The following SLC16A7 variants were observed in gnomAD, a reference collection of about 807,000 sequenced individuals.
SLC16A7 encodes solute carrier family 16 member 7.
A neutral mutation model predicts 34.9 loss-of-function variants in SLC16A7; 33 were observed. The ratio of observed to expected loss-of-function variants is 0.94; its 90% CI spans 0.72 to 1.26. SLC16A7 has a LOEUF of 1.26. SLC16A7 is among the 50% of genes most tolerant of loss of function. The probability of loss-of-function intolerance (pLI) is 0.00; values close to 1 mark genes in which losing one functional copy is unlikely to be tolerated. For missense variants in SLC16A7, 573 were observed against 578.1 expected, an observed-to-expected ratio of 0.99 and a Z score of 0.09; for synonymous variants, 201 against 206.6, an observed-to-expected ratio of 0.97 and a Z score of 0.23.
intron 2 of SLC16A7, among the ~76,000 whole-genome samples, chr12:59,670,256 A>G (rs762169282): frequency 3.1e-4 from 47 of 152,276 alleles, no homozygotes; most frequent in Non-Finnish European, 4.9e-4. Flanking sequence ...TACAGGATAA[A>G]AGCTCACCCT....
At chr12:59,679,521 A>G (rs867965177) in intron 2 of SLC16A7, among the ~76,000 whole-genome samples, 2 of 152,198 alleles carry the variant, frequency 1.3e-5, no homozygotes, top group South Asian at 2.1e-4. Context: ...TCTTCTTGTT[A>G]TAATTTCTTG....
intron 3 of SLC16A7, among the ~76,000 whole-genome samples, chr12:59,724,780 GT>G (rs890489323): frequency 3.3e-5 from 5 of 151,800 alleles, no homozygotes; most frequent in African/African-American, 1.2e-4. Context: ...GAAATGGAGG[GT>G]TTTTATGTAT....
At chr12:59,741,795 TG>T (rs961214935) in intron 3 of SLC16A7, among the ~76,000 whole-genome samples, 5 of 152,174 alleles carry the variant, frequency 3.3e-5, no homozygotes, top group Non-Finnish European at 7.3e-5. Context: ...ATGTTCACTT[TG>T]TTGCCTGCCA....
At chr12:59,641,651 G>A (rs1192446043) in intron 1 of SLC16A7, among the ~76,000 whole-genome samples, 1 of 151,910 alleles carries the variant, frequency 6.6e-6, no homozygotes. Context: ...ATTGAAGGGA[G>A]CCATTTTACA....
At chr12:59,612,681 A>G (rs1364675595) in intron 1 of SLC16A7, among the ~76,000 whole-genome samples, 3 of 152,002 alleles carry the variant, frequency 2.0e-5, no homozygotes, top group Non-Finnish European at 4.4e-5. Context: ...CTGCTTAGAC[A>G]TTTCTTCCAC....
intron 3 of SLC16A7, among the ~76,000 whole-genome samples, chr12:59,717,532 A>G (rs1875062159): frequency 6.6e-6 from 1 of 152,162 alleles, no homozygotes; most frequent in South Asian, 2.1e-4. Context: ...AATATTACTT[A>G]ATGGTATTCC....
At chr12:59,761,841 T>G (rs547001130) in intron 3 of SLC16A7, among the ~76,000 whole-genome samples, 1 of 152,230 alleles carries the variant, frequency 6.6e-6, no homozygotes, top group South Asian at 2.1e-4. Flanking sequence ...TTCAAGGCTT[T>G]AAACAGAAAT....
intron 1 of SLC16A7, among the ~76,000 whole-genome samples, chr12:59,611,325 G>C (rs891705597): frequency 3.3e-5 from 5 of 152,158 alleles, no homozygotes; most frequent in Non-Finnish European, 7.4e-5. Context: ...TGAGTGCTCA[G>C]CGAAGGGGGA....
At chr12:59,718,757 A>T (rs1875215137) in intron 3 of SLC16A7, among the ~76,000 whole-genome samples, 1 of 152,174 alleles carries the variant, frequency 6.6e-6, no homozygotes, top group Admixed American at 6.6e-5. Context: ...ACTAGGGAAA[A>T]TGGATAAGAA....
intron 3 of SLC16A7, among the ~76,000 whole-genome samples, chr12:59,714,767 A>G (rs1874696916): frequency 1.3e-5 from 2 of 151,896 alleles, no homozygotes; most frequent in African/African-American, 4.8e-5. Flanking sequence ...GTTTCGCCAC[A>G]TTGGCAAGAC....
chr12:59,642,816 A>G (rs1314438534), intron 1 of SLC16A7, among the ~76,000 whole-genome samples: 1 of 152,114 alleles, frequency 6.6e-6, no homozygotes, highest in Non-Finnish European at 1.5e-5. Context: ...GATAGATTCC[A>G]TAATTGTTGT....
chr12:59,706,401 T>G (rs1304502335), intron 3 of SLC16A7, among the ~76,000 whole-genome samples: 1 of 152,114 alleles, frequency 6.6e-6, no homozygotes. Flanking sequence ...TGTGTTGGTG[T>G]TGGAATGTGT....
chr12:59,648,367 T>G (rs1868284206), intron 1 of SLC16A7, among the ~76,000 whole-genome samples: 1 of 152,196 alleles, frequency 6.6e-6, no homozygotes, highest in Non-Finnish European at 1.5e-5. Context: ...CATGAGGGAC[T>G]TGAGATTGTT....
rs1169909347 is a variant in SLC16A7, at chr12:59,787,055, T to C, written c.*7376T>C. The C allele has an allele frequency of 6.6e-6, 1 of 152,144 alleles. No homozygotes were observed. The allele number at this position is 152,144 out of a possible 1,614,324, so 9.4% of individuals were successfully genotyped here. On this transcript the variant is annotated 3_prime_UTR_variant, in exon 6 of 6. Coordinates refer to ENST00000547379, the MANE Select transcript of SLC16A7 (RefSeq NM_001270623.2). ...GATTAATTATTTTGCACAATATATG[T>C]TGTTATAGCAATATCAAAATCATTT...
rs996353579 is a variant in SLC16A7, at chr12:59,596,463, G to A, written c.-130+227G>A. ...GCGGGAGCAGAGCTCGCGTCAGCCA[G>A]TGCGCGCCGACAGCTGCCCGGGAAC... On this transcript the variant is annotated intron_variant, in intron 1 of 5. Transcript: ENST00000547379. The surrounding 1 kb of genome is among the most constrained non-coding windows in gnomAD (Gnocchi z 5.0). Among the ~76,000 whole-genome samples the A allele has an allele frequency of 6.6e-6, 1 of 151,382 alleles. No individual in the cohort carries two copies. Among genetic ancestry groups the A allele is most frequent in the Non-Finnish European group, 1.5e-5 (1 of 67,926 alleles).
chr12:59,658,962 T>C (rs988102967), intron 2 of SLC16A7, among the ~76,000 whole-genome samples: 1 of 152,042 alleles, frequency 6.6e-6, no homozygotes, highest in Non-Finnish European at 1.5e-5. Context: ...TGATTTTAGA[T>C]ACAGGGGAAC....
intron 5 of SLC16A7, among the ~76,000 whole-genome samples, chr12:59,778,927 A>G (rs1297062250): frequency 6.6e-6 from 1 of 152,116 alleles, no homozygotes; most frequent in Non-Finnish European, 1.5e-5. Context: ...TTCTTAGGCT[A>G]GTATGGGGCA....
chr12:59,634,512 TGG>T (rs370162096), intron 1 of SLC16A7, among the ~76,000 whole-genome samples: 1 of 151,864 alleles, frequency 6.6e-6, no homozygotes, highest in Non-Finnish European at 1.5e-5. Context: ...GAGGAAACTT[TGG>T]GGATAAGGGG....
intron 2 of SLC16A7, among the ~76,000 whole-genome samples, chr12:59,684,876 G>T (rs778354772): frequency 6.6e-6 from 1 of 152,114 alleles, no homozygotes; most frequent in Admixed American, 6.6e-5. Flanking sequence ...CAGGTCTTTA[G>T]GGGGAGGCAA....
Sources: gnomAD v4.1 joint callset for allele counts (sites outside exome capture counted in the v4.1 genomes callset) on GRCh38, gnomAD v4.1.1 for gene constraint, Gnocchi (gnomAD v3.1) non-coding constraint, MANE v1.5 for transcripts, NCBI Gene and HGNC (gene_info 2026-07-23, HGNC 2026-07-21) for gene names.